MYBL1: variants seen among roughly 807,000 people sequenced by gnomAD.
MYBL1 encodes MYB proto-oncogene like 1.
A neutral mutation model predicts 96.3 loss-of-function variants in MYBL1; 17 were observed. That is an observed-to-expected ratio of 0.18 (90% confidence interval 0.12 to 0.26). The LOEUF (loss-of-function observed/expected upper bound fraction) is 0.26. Among genes scored for constraint, MYBL1 ranks in the 10% least tolerant of loss-of-function variants. The pLI, the probability that MYBL1 is intolerant of heterozygous loss-of-function variation, is 1.00. For synonymous variants in MYBL1, 282 were observed against 292.7 expected, an observed-to-expected ratio of 0.96 and a Z score of 0.37; for missense variants, 701 against 882.9, an observed-to-expected ratio of 0.79 and a Z score of 2.61.
rs567766629 is a variant in MYBL1 at position 66,593,257 on chromosome 8, C to G, written c.688-63G>C. On this transcript the variant is annotated intron_variant, in intron 6 of 15. Transcript: ENST00000522677. ...TGCTATAAATGTTGAAAATCTGAAG[C>G]AAATGACAAAAACTTTTGACACAGT... 36 of 1,105,104 alleles carry G rather than the reference C, an allele frequency of 3.3e-5. No individual in the cohort carries two copies. The African/African-American group carries it at 5.6e-4, about 17-fold the overall frequency. The allele number at this position is 1,105,104 out of a possible 1,614,324, so 68.5% of individuals were successfully genotyped here.
rs1252679311 is a variant in MYBL1 at position 66,607,328 on chromosome 8, TTTG to T, written c.21-4808_21-4806del. On this transcript the variant is annotated intron_variant, in intron 1 of 15. Transcript: ENST00000522677. ...CACCACACTGCAGCTTTCTGTCCTA[TTTG>T]TATGTACTAAGAGCACCTACCTTTC... Among the ~76,000 whole-genome samples the T allele has an allele frequency of 2.1e-3, 317 of 152,304 alleles. 1 individual carries two copies. Among genetic ancestry groups the T allele is most frequent in the Middle Eastern group, 6.8e-3 (2 of 294 alleles).
chr8:66,565,143 T>C (rs2129675263), intron 15 of MYBL1: 1 of 158,200 alleles, frequency 6.3e-6, no homozygotes, highest in South Asian at 2.0e-4. Context: ...TAAATGTTAG[T>C]CTTTATTGCT....
intron 12 of MYBL1, among the ~76,000 whole-genome samples, 199 bp from the exon 13 acceptor site, chr8:66,567,191 TTTC>T (rs1808538456): frequency 6.6e-6 from 1 of 152,198 alleles, no homozygotes; most frequent in Admixed American, 6.5e-5. Flanking sequence ...AGAATAGCAA[TTTC>T]TTCTTTCTAG....
rs1808396236 is a variant in MYBL1 at position 66,563,545 on chromosome 8, G to A, written c.*1152C>T. On this transcript the variant is annotated 3_prime_UTR_variant, in exon 16 of 16. Coordinates refer to ENST00000522677, the MANE Select transcript of MYBL1 (RefSeq NM_001080416.4). ...AATATTTTTATAAATAAAAGATAAT[G>A]TTCTCCACTTCTGAAACACTGAGTA... 6.6e-6 allele frequency: 1 copy of A among 152,408 alleles called. No homozygotes were observed. Among genetic ancestry groups the A allele is most frequent in the Admixed American group, 6.6e-5 (1 of 15,258 alleles). 9.4% of individuals were successfully genotyped at this position (152,408 alleles called of 1,614,324 possible). A position where few individuals can be genotyped will look rare whatever the true frequency, so the allele number is the denominator to read the frequency against.
At chr8:66,571,699 G>A (rs1363797345) in intron 12 of MYBL1, among the ~76,000 whole-genome samples, 1 of 151,848 alleles carries the variant, frequency 6.6e-6, no homozygotes, top group Non-Finnish European at 1.5e-5. Flanking sequence ...TGGCCAACAT[G>A]GTGAAACCCC....
intron 5 of MYBL1, 96 bp downstream of exon 5, chr8:66,597,234 A>C (rs561015453): frequency 1.1e-6 from 1 of 892,742 alleles, no homozygotes; most frequent in Non-Finnish European, 1.6e-6. Flanking sequence ...ACAAATTTAA[A>C]AAATAAGTCA....
intron 10 of MYBL1, among the ~76,000 whole-genome samples, chr8:66,574,940 G>A (rs1483527163): frequency 1.3e-5 from 2 of 152,196 alleles, no homozygotes; most frequent in African/African-American, 4.8e-5. Flanking sequence ...TGTAATCCCA[G>A]CTACTCGGGA....
At chr8:66,575,221 A>G (rs1333988020) in intron 10 of MYBL1, among the ~76,000 whole-genome samples, 2 of 152,270 alleles carry the variant, frequency 1.3e-5, no homozygotes, top group Non-Finnish European at 2.9e-5. Flanking sequence ...AAATTCTTAC[A>G]GTAAGCAATT....
rs553659336 is a variant in MYBL1, at chr8:66,601,900, T to C, written c.127-131A>G. 1.1e-5 allele frequency: 5 copies of C among 451,726 alleles called. No individual in the cohort carries two copies. The South Asian group carries it at 2.6e-4, about 23-fold the overall frequency. The allele number at this position is 451,726 out of a possible 1,614,324, so 28.0% of individuals were successfully genotyped here. On this transcript the variant is annotated intron_variant, in intron 2 of 15. Coordinates refer to ENST00000522677, the MANE Select transcript of MYBL1 (RefSeq NM_001080416.4). Reference sequence around the variant, plus strand: ...GAATAACTAAAGCCACCCACTATAATACAAATTCTTCCATTTATTATACTG... The same window carrying C: ...GAATAACTAAAGCCACCCACTATAACACAAATTCTTCCATTTATTATACTG...
intron 5 of MYBL1, 113 bp downstream of exon 5, chr8:66,597,217 T>G: frequency 1.3e-6 from 1 of 779,450 alleles, no homozygotes; most frequent in Non-Finnish European, 1.9e-6. Context: ...TAGTCTACAT[T>G]TTAATTACAA....
intron 5 of MYBL1, among the ~76,000 whole-genome samples, chr8:66,596,806 C>T (rs1353996162): frequency 2.6e-5 from 4 of 152,136 alleles, no homozygotes; most frequent in African/African-American, 9.7e-5. Flanking sequence ...CTTAGCACAT[C>T]ACTGCCTCTG....
At chr8:66,574,872 T>C (rs1271672610) in intron 10 of MYBL1, among the ~76,000 whole-genome samples, 2 of 152,068 alleles carry the variant, frequency 1.3e-5, no homozygotes, top group Non-Finnish European at 2.9e-5. Flanking sequence ...CTGACCAACA[T>C]GGAGAAACTC....
chr8:66,580,238 A>G lies in MYBL1; in HGVS notation c.996T>C (p.Ala332=). 6.2e-7 allele frequency: 1 copy of G among 1,613,942 alleles called. No individual in the cohort carries two copies. The highest frequency in any genetic ancestry group is 8.5e-7 in the Non-Finnish European group (1 of 1,179,852). Residue 332 remains alanine, a synonymous_variant, in exon 9 of 16, where the codon GCT becomes GCC. Transcript: ENST00000522677. ...GGAACTTTGTGGGTGAATTCTGCTG[A>G]GCAGACACAGGCTGATTTTCATCCA... ...YSMDENQPVS[A]QQNSPTKFLA...
chr8:66,581,796 TA>T (rs1809223781), intron 8 of MYBL1, among the ~76,000 whole-genome samples: 1 of 152,130 alleles, frequency 6.6e-6, no homozygotes, highest in Non-Finnish European at 1.5e-5. Context: ...AATGAAATGA[TA>T]TATTTGAGAA....
At chr8:66,581,307 A>G (rs746436317) in intron 8 of MYBL1, among the ~76,000 whole-genome samples, 14 of 152,176 alleles carry the variant, frequency 9.2e-5, no homozygotes, top group Admixed American at 6.6e-5. Flanking sequence ...AACAATCTAA[A>G]TCAAGCACCT....
At chr8:66,597,685 A>C in intron 4 of MYBL1, 135 bp from the exon 5 acceptor site, 1 of 615,562 alleles carries the variant, frequency 1.6e-6, no homozygotes, top group South Asian at 2.2e-5. Flanking sequence ...AATTACCAAT[A>C]AATACCCCTT....
chr8:66,571,167 A>T (rs1202698090), intron 12 of MYBL1, among the ~76,000 whole-genome samples: 1 of 152,258 alleles, frequency 6.6e-6, no homozygotes, highest in East Asian at 1.9e-4. Context: ...AGAACTTGTC[A>T]GAAATCTGTA....
intron 8 of MYBL1, among the ~76,000 whole-genome samples, chr8:66,590,654 G>A (rs1164299656): frequency 1.3e-5 from 2 of 150,528 alleles, no homozygotes; most frequent in Non-Finnish European, 2.9e-5. Context: ...CTGCACTCCC[G>A]CTTGAGTGAG....
At chr8:66,592,618 TTTC>T in intron 7 of MYBL1, 74 bp from the exon 8 acceptor site, 2 of 848,450 alleles carry the variant, frequency 2.4e-6, no homozygotes, top group South Asian at 3.4e-5. Context: ...TCATTTTTAT[TTTC>T]TTCTATGCAA....
Sources: allele counts gnomAD v4.1 joint callset (sites outside exome capture counted in the v4.1 genomes callset), GRCh38; gene constraint gnomAD v4.1.1; transcripts MANE v1.5; gene names NCBI Gene and HGNC (gene_info 2026-07-23, HGNC 2026-07-21).